The following TTLL10 variants were observed in gnomAD, a reference collection of about 807,000 sequenced individuals.
The protein encoded by TTLL10 is inactive polyglycylase TTLL10.
TTLL10 carries 61 observed loss-of-function variants against 69.0 expected under a neutral mutation model. That is an observed-to-expected ratio of 0.88 (90% CI 0.72 to 1.09). The LOEUF is 1.09. Among genes scored for constraint, TTLL10 ranks in the 50% least tolerant of loss-of-function variants. The pLI, the probability that TTLL10 is intolerant of heterozygous loss-of-function variation, is 0.00. For missense variants in TTLL10, 962 were observed against 945.9 expected, an observed-to-expected ratio of 1.02 and a Z score of -0.22; for synonymous variants, 408 against 393.3, an observed-to-expected ratio of 1.04 and a Z score of -0.44.
chr1:1,186,649 A>C (rs1002687838), intron 13 of TTLL10, among the ~76,000 whole-genome samples: 1 of 152,030 alleles, frequency 6.6e-6, no homozygotes, highest in East Asian at 1.9e-4. Flanking sequence ...AACACTTGTT[A>C]TTTTCCTTTC....
At position 1,181,549 on chromosome 1, in the gene TTLL10, T is replaced by C. The variant is rs1481284695; in HGVS notation, c.756-192T>C. 6.6e-6 allele frequency among the ~76,000 whole-genome samples: 1 copy of C among 152,082 alleles called. No individual in the cohort carries two copies. The highest frequency in any genetic ancestry group is 1.9e-4 in the East Asian group (1 of 5,196). ...TGCCTGTGACACCAGCTTTACACCA[T>C]GTCCAGCGTCCACTTCCAGCCTAGA... On this transcript the variant is annotated intron_variant, in intron 8 of 15. Transcript: ENST00000379289. This position sits in a 1 kb window ranked among gnomAD's most constrained non-coding sequence, Gnocchi z 4.6.
chr1:1,183,883 G>A (rs368906860), intron 11 of TTLL10, 37 bp from the exon 12 acceptor site: 46 of 1,612,222 alleles, frequency 2.9e-5, no homozygotes, highest in East Asian at 1.6e-4. Flanking sequence ...GGCTGGCCCC[G>A]TGGCTCAGCC....
chr1:1,178,764 C>T (rs1007928477), intron 3 of TTLL10, among the ~76,000 whole-genome samples: 1 of 152,098 alleles, frequency 6.6e-6, no homozygotes, highest in African/African-American at 2.4e-5. Flanking sequence ...AGGTACCAGG[C>T]GGCTGCACAC....
chr1:1,175,508 G>A (rs898342129), intron 3 of TTLL10: 10 of 370,270 alleles, frequency 2.7e-5, no homozygotes, highest in Admixed American at 6.9e-5. Context: ...CGGCCTCCCC[G>A]GGTGGTGCCC....
At chr1:1,191,592 C>T (rs770783447) in intron 13 of TTLL10, among the ~76,000 whole-genome samples, 9 of 152,162 alleles carry the variant, frequency 5.9e-5, no homozygotes, top group Non-Finnish European at 1.2e-4. Context: ...CTGTAGATGT[C>T]TGTGCCGAGA....
chr1:1,179,272 A>C lies in TTLL10; in HGVS notation c.57A>C (p.Arg19=). The change falls in exon 4 of 16, where the codon CGA becomes CGC. Residue 19 remains arginine (R), a synonymous_variant. Transcript: ENST00000379289. ...IHRRGPPTRT[R]AGFKRGKRPR... is the part of the protein sequence containing the mutation. Reference sequence around the variant, plus strand: ...GCCGGGGACCACCCACTCGGACCCGAGCCGGCTTCAAGAGGGGCAAGAGGC... The same window carrying C: ...GCCGGGGACCACCCACTCGGACCCGCGCCGGCTTCAAGAGGGGCAAGAGGC... 6.4e-7 allele frequency: 1 copy of C among 1,551,016 alleles called. No individual in the cohort carries two copies. The highest frequency in any genetic ancestry group is 8.7e-7 in the Non-Finnish European group (1 of 1,146,764).
At position 1,185,118 on chromosome 1, in the gene TTLL10, A is replaced by G; in HGVS notation, c.1401+9A>G. 1 of 1,611,890 alleles carries G rather than the reference A, an allele frequency of 6.2e-7. No individual in the cohort carries two copies. Among genetic ancestry groups the G allele is most frequent in the South Asian group, 1.1e-5 (1 of 91,010 alleles). ...TCTTCACCACCCTCAAGGTGCGTCC[A>G]CTGTGCCCTCCAGTCTGGGAGTGAG... On this transcript the variant is annotated intron_variant, in intron 13 of 15. Transcript: ENST00000379289. The surrounding 1 kb of genome is among the most constrained non-coding windows in gnomAD (Gnocchi z 6.1).
intron 13 of TTLL10, among the ~76,000 whole-genome samples, chr1:1,191,266 T>C (rs1217496752): frequency 6.6e-6 from 1 of 152,216 alleles, no homozygotes; most frequent in Non-Finnish European, 1.5e-5. Flanking sequence ...TCAGAGAACA[T>C]ACTTTATAAT....
chr1:1,185,380 G>A lies in TTLL10; in HGVS notation c.1401+271G>A. 2 of 1,313,056 alleles carry A rather than the reference G, an allele frequency of 1.5e-6. No homozygotes were observed. The highest frequency in any genetic ancestry group is 1.5e-5 in the African/African-American group (1 of 66,114). The allele number at this position is 1,313,056 out of a possible 1,614,324, so 81.3% of individuals were successfully genotyped here. On this transcript the variant is annotated intron_variant, in intron 13 of 15. Coordinates refer to ENST00000379289, the MANE Select transcript of TTLL10 (RefSeq NM_001130045.2). The surrounding 1 kb of genome is among the most constrained non-coding windows in gnomAD (Gnocchi z 6.1). ...GGGCAGCCTCGCCGTAGGGTCAGGG[G>A]ACAGCTCGGCTTCAGTGACAGCCAC...
Position 1,181,865 on chromosome 1 carries a change from A to G in TTLL10, c.830+50A>G. ...GCCCTTCAGACCGAAGTTCAGACCT[A>G]AACCTGGTGTCGTCTGAAAAGGAGA... On this transcript the variant is annotated intron_variant, in intron 9 of 15. Transcript: ENST00000379289. This position sits in a 1 kb window ranked among gnomAD's most constrained non-coding sequence, Gnocchi z 4.6. 1 of 1,515,056 alleles carries G rather than the reference A, an allele frequency of 6.6e-7. No individual in the cohort carries two copies. The highest frequency in any genetic ancestry group is 9.0e-7 in the Non-Finnish European group (1 of 1,109,740). 93.9% of individuals were successfully genotyped at this position (1,515,056 alleles called of 1,614,324 possible).
chr1:1,176,489 C>T (rs780137375), intron 3 of TTLL10: 16 of 439,146 alleles, frequency 3.6e-5, no homozygotes, highest in Admixed American at 2.1e-4. Flanking sequence ...CCAGGCTTCC[C>T]GGAGGGACGG....
In TTLL10 at chr1:1,181,211, C is replaced by T. The variant is rs903072948; in HGVS notation, c.755+351C>T. On this transcript the variant is annotated intron_variant, in intron 8 of 15. Coordinates refer to ENST00000379289, the MANE Select transcript of TTLL10 (RefSeq NM_001130045.2). The surrounding 1 kb of genome is among the most constrained non-coding windows in gnomAD (Gnocchi z 4.6). ...ACCCACTGGGCCTGACACCCACCCA[C>T]CTGTCCATCTCACAGACCCACCCAG... 2.0e-5 allele frequency among the ~76,000 whole-genome samples: 3 copies of T among 151,906 alleles called. No individual in the cohort carries two copies. Among genetic ancestry groups the T allele is most frequent in the Non-Finnish European group, 2.9e-5 (2 of 67,974 alleles).
intron 3 of TTLL10, among the ~76,000 whole-genome samples, chr1:1,178,194 G>A (rs1646932542): frequency 6.6e-6 from 1 of 152,102 alleles, no homozygotes; most frequent in Non-Finnish European, 1.5e-5. Flanking sequence ...CAGCCTCAGA[G>A]CCCCCACAGC....
chr1:1,195,377 G>C (rs1314455670), intron 13 of TTLL10, among the ~76,000 whole-genome samples: 1 of 151,918 alleles, frequency 6.6e-6, no homozygotes, highest in Non-Finnish European at 1.5e-5. Context: ...CACTTCTAGT[G>C]CATGTTTTAT....
At chr1:1,184,409 T>C (rs886989593) in intron 12 of TTLL10, among the ~76,000 whole-genome samples, 1 of 152,016 alleles carries the variant, frequency 6.6e-6, no homozygotes, top group African/African-American at 2.4e-5. Flanking sequence ...GGGGTGCGGG[T>C]GGGCGTCGGA....
chr1:1,187,424 G>A (rs2100900682), intron 13 of TTLL10, among the ~76,000 whole-genome samples: 1 of 152,274 alleles, frequency 6.6e-6, no homozygotes, highest in South Asian at 2.1e-4. Flanking sequence ...GAGGTCAGGA[G>A]TTCAAGACCA....
Position 1,197,112 on chromosome 1 carries a change from AT to A in TTLL10, c.1540del (p.Ser514LeufsTer12). 1 of 1,550,978 alleles carries A rather than the reference AT, an allele frequency of 6.4e-7. No homozygotes were observed. Among genetic ancestry groups the A allele is most frequent in the Non-Finnish European group, 8.7e-7 (1 of 1,146,766 alleles). ...GGGCAGGTATGGCTGCTGGAGATGA[AT>A]TCTAACCCAGCCCTGCACACCAACT... ...DNFKVWLLEM[N>X]SNPALHTNCE... On this transcript the variant is annotated frameshift_variant, in exon 15 of 16. Transcript: ENST00000379289. LOFTEE classifies it high-confidence loss of function.
chr1:1,178,709 G>T (rs1646945864), intron 3 of TTLL10, among the ~76,000 whole-genome samples: 1 of 152,178 alleles, frequency 6.6e-6, no homozygotes, highest in African/African-American at 2.4e-5. Context: ...TGTCCTGGGG[G>T]TCGGGCCTGG....
intron 13 of TTLL10, among the ~76,000 whole-genome samples, chr1:1,189,081 T>C (rs1182155363): frequency 3.9e-5 from 6 of 152,230 alleles, no homozygotes; most frequent in Non-Finnish European, 8.8e-5. Context: ...ATAAGGATCA[T>C]GTCATCTGGA....
Sources: gnomAD v4.1 joint callset for allele counts (sites outside exome capture counted in the v4.1 genomes callset) on GRCh38, gnomAD v4.1.1 for gene constraint, Gnocchi (gnomAD v3.1) non-coding constraint, MANE v1.5 for transcripts, NCBI Gene and HGNC (gene_info 2026-07-23, HGNC 2026-07-21) for gene names.